Variants in NEK10 observed in about 807,000 individuals in gnomAD.
The protein encoded by NEK10 is serine/threonine-protein kinase Nek10.
NEK10 carries 122 observed loss-of-function variants against 159.8 expected under a neutral mutation model. The observed-to-expected ratio is 0.76, with a 90% CI of 0.66 to 0.89. NEK10 has a LOEUF of 0.89. Among genes scored for constraint, NEK10 ranks in the 40% least tolerant of loss-of-function variants. The pLI, the probability that NEK10 is intolerant of heterozygous loss-of-function variation, is 0.00. For missense variants in NEK10, 1,342 were observed against 1,323.1 expected, an observed-to-expected ratio of 1.01 and a Z score of -0.22; for synonymous variants, 466 against 457.1, an observed-to-expected ratio of 1.02 and a Z score of -0.25.
chr3:27,133,322 A>G (rs1942824928), intron 31 of NEK10, among the ~76,000 whole-genome samples: 1 of 152,228 alleles, frequency 6.6e-6, no homozygotes, highest in African/African-American at 2.4e-5. Context: ...AGATAATGGC[A>G]GAGCAAAGAA....
At chr3:27,225,630 G>C (rs144107161) in intron 23 of NEK10, among the ~76,000 whole-genome samples, 1 of 152,246 alleles carries the variant, frequency 6.6e-6, no homozygotes, top group Admixed American at 6.5e-5. Context: ...ATACGGGGAG[G>C]GACAAAGCTT....
intron 29 of NEK10, among the ~76,000 whole-genome samples, chr3:27,169,559 C>T (rs554449790): frequency 3.3e-4 from 51 of 152,278 alleles, no homozygotes; most frequent in African/African-American, 1.2e-3. Context: ...TTAAAAGGCT[C>T]CACCCTAACT....
intron 5 of NEK10, among the ~76,000 whole-genome samples, chr3:27,324,727 A>G (rs921366177): frequency 6.6e-6 from 1 of 152,064 alleles, no homozygotes; most frequent in Non-Finnish European, 1.5e-5. Flanking sequence ...GATTCTTTAC[A>G]AACACAAGTC....
chr3:27,256,130 A>G (rs1956143909), intron 23 of NEK10, among the ~76,000 whole-genome samples, 166 bp downstream of exon 23: 1 of 152,198 alleles, frequency 6.6e-6, no homozygotes, highest in Non-Finnish European at 1.5e-5. Context: ...TTAAGCATAC[A>G]TAATGATCCA....
At chr3:27,350,229 T>C (rs970628526) in intron 3 of NEK10, among the ~76,000 whole-genome samples, 1 of 152,190 alleles carries the variant, frequency 6.6e-6, no homozygotes, top group African/African-American at 2.4e-5. Context: ...GTGTATATTT[T>C]GTTGAGCATT....
At chr3:27,311,177 C>A (rs1277942753) in intron 8 of NEK10, 161 bp from the exon 9 acceptor site, 4 of 484,360 alleles carry the variant, frequency 8.3e-6, no homozygotes, top group Non-Finnish European at 1.5e-5. Context: ...TACTTTTTTA[C>A]CCCAAGAATT....
At chr3:27,214,795 G>A in intron 23 of NEK10, 2 of 944,488 alleles carry the variant, frequency 2.1e-6, no homozygotes, top group South Asian at 2.6e-5. Flanking sequence ...TGAAGTCACT[G>A]CTCCTGCTCT....
chr3:27,331,440 T>C (rs1341013666), intron 5 of NEK10, among the ~76,000 whole-genome samples: 1 of 152,132 alleles, frequency 6.6e-6, no homozygotes, highest in Non-Finnish European at 1.5e-5. Flanking sequence ...TATTGGCCTC[T>C]GTACTGGCTG....
chr3:27,297,816 C>T (rs56969562), intron 13 of NEK10, among the ~76,000 whole-genome samples: 4,140 of 152,242 alleles, frequency 0.027, 191 homozygotes, highest in African/African-American at 0.095. Flanking sequence ...CTCCTGACAG[C>T]CACTGTGGCA....
At chr3:27,349,379 C>T (rs1225149992) in intron 3 of NEK10, among the ~76,000 whole-genome samples, 2 of 152,040 alleles carry the variant, frequency 1.3e-5, no homozygotes, top group African/African-American at 4.8e-5. Flanking sequence ...CACCTCCTTC[C>T]CTGTCATTCA....
intron 22 of NEK10, among the ~76,000 whole-genome samples, chr3:27,271,763 T>C (rs1021032269): frequency 3.3e-5 from 5 of 152,186 alleles, no homozygotes; most frequent in African/African-American, 9.7e-5. Flanking sequence ...GAAAATGTTT[T>C]ATTTCAGAAA....
intron 31 of NEK10, among the ~76,000 whole-genome samples, chr3:27,135,475 G>A (rs2125542171): frequency 6.6e-6 from 1 of 152,074 alleles, no homozygotes; most frequent in South Asian, 2.1e-4. Flanking sequence ...TTTTATACTA[G>A]GTTTTCTCAA....
At chr3:27,148,109 A>G (rs538991586) in intron 30 of NEK10, among the ~76,000 whole-genome samples, 1 of 152,350 alleles carries the variant, frequency 6.6e-6, no homozygotes, top group East Asian at 1.9e-4. Context: ...AGCAGAGTCA[A>G]TTAAGAATGA....
At chr3:27,301,973 G>A (rs1347588020) in intron 12 of NEK10, 138 bp from the exon 13 acceptor site, 1 of 676,102 alleles carries the variant, frequency 1.5e-6, no homozygotes, top group African/African-American at 1.8e-5. Context: ...AATCCACCTG[G>A]AATTGATTTT....
intron 6 of NEK10, among the ~76,000 whole-genome samples, chr3:27,320,350 T>C (rs2045529541): frequency 6.6e-6 from 1 of 152,160 alleles, no homozygotes; most frequent in South Asian, 2.1e-4. Flanking sequence ...AAACAGAACA[T>C]CTCTAGGACA....
Position 27,111,305 on chromosome 3 carries a change from T to A in NEK10, c.3315A>T (p.Pro1105=). Residue 1105 remains proline, a synonymous_variant, in exon 36 of 36, where the codon CCA becomes CCT. Coordinates refer to ENST00000691995, the MANE Select transcript of NEK10 (RefSeq NM_001394966.1). ...TGGTTGGGTGATTCTTGGTCCCCCA[T>A]GGATAGGAATGATACCTATAAGATT... The part of the protein sequence containing the change: ...NFTSNRYHSY[P]WGTKNHPTKR 1 of 1,607,506 alleles carries A rather than the reference T, an allele frequency of 6.2e-7. No homozygotes were observed. Among genetic ancestry groups the A allele is most frequent in the African/African-American group, 1.3e-5 (1 of 74,648 alleles).
chr3:27,147,761 A>G (rs541019248), intron 30 of NEK10, among the ~76,000 whole-genome samples: 4 of 152,226 alleles, frequency 2.6e-5, no homozygotes, highest in Non-Finnish European at 4.4e-5. Context: ...ATGATTTTAC[A>G]CCCAGTCAAG....
At chr3:27,334,572 C>T (rs1248055702) in intron 5 of NEK10, among the ~76,000 whole-genome samples, 2 of 152,168 alleles carry the variant, frequency 1.3e-5, no homozygotes, top group Non-Finnish European at 2.9e-5. Context: ...AAAACTACAC[C>T]CCAGCCTCCA....
intron 30 of NEK10, among the ~76,000 whole-genome samples, chr3:27,155,926 C>A (rs1275530512): frequency 1.3e-5 from 2 of 152,114 alleles, no homozygotes; most frequent in Non-Finnish European, 2.9e-5. Context: ...CAGCATGGTA[C>A]TGGTATAAAA....
Sources: gnomAD v4.1 joint callset for allele counts (sites outside exome capture counted in the v4.1 genomes callset) on GRCh38, gnomAD v4.1.1 for gene constraint, MANE v1.5 for transcripts, NCBI Gene and HGNC (gene_info 2026-07-23, HGNC 2026-07-21) for gene names.